Variants in JOSD1 observed in about 807,000 individuals in gnomAD.
JOSD1 encodes Josephin domain containing 1.
In JOSD1, 11 loss-of-function variants were observed where a neutral mutation model predicts 24.3. The observed-to-expected ratio is 0.45, with a 90% CI of 0.29 to 0.75. The LOEUF (loss-of-function observed/expected upper bound fraction) is 0.75, where lower values mean the gene tolerates loss of function less well. Among genes scored for constraint, JOSD1 ranks in the 30% least tolerant of loss-of-function variants. The pLI, the probability that JOSD1 is intolerant of heterozygous loss-of-function variation, is 0.11. For synonymous variants in JOSD1, 106 were observed against 93.8 expected (o/e 1.13, Z -0.75); for missense variants, 184 against 253.5 (o/e 0.73, Z 1.86).
chr22:38,701,248 G>A (rs942170734), upstream of JOSD1: 1 of 152,456 alleles, frequency 6.6e-6, no homozygotes, highest in African/African-American at 2.4e-5. Flanking sequence ...CGGCCTGAGG[G>A]AGTCCTACCT....
intron 2 of JOSD1, among the ~76,000 whole-genome samples, chr22:38,695,388 C>T (rs964152066): frequency 1.3e-5 from 2 of 151,650 alleles, no homozygotes; most frequent in Non-Finnish European, 1.5e-5. Context: ...AATCTCTTTG[C>T]TCCTTCCAAC....
In JOSD1 at chr22:38,686,885, C is replaced by T. The variant is rs1057414228; in HGVS notation, c.*1017G>A. ...TTTGGCTTCTCTTTTGTCCCAGAGC[C>T]TCCTAAATCAATGCTGCGAAATGGT... On this transcript the variant is annotated 3_prime_UTR_variant, in exon 5 of 5. Transcript: ENST00000683374. 2.0e-5 allele frequency: 3 copies of T among 152,180 alleles called. No individual in the cohort carries two copies. The highest frequency in any genetic ancestry group is 2.4e-5 in the African/African-American group (1 of 41,434). The allele number at this position is 152,180 out of a possible 1,614,324, so 9.4% of individuals were successfully genotyped here.
At position 38,686,296 on chromosome 22, in the gene JOSD1, G is replaced by A. The variant is rs1489238158; in HGVS notation, c.*1606C>T. 2 of 151,070 alleles carry A rather than the reference G, an allele frequency of 1.3e-5. No homozygotes were observed. The highest frequency in any genetic ancestry group is 3.9e-4 in the East Asian group (2 of 5,176). The allele number at this position is 151,070 out of a possible 1,614,324, so 9.4% of individuals were successfully genotyped here. A position where few individuals can be genotyped will look rare whatever the true frequency, so the allele number is the denominator to read the frequency against. ...GGTGTCAACATGCACTCCAGTCACA[G>A]GGGGGAGAAAGCCCAGCTTCACCCC... On this transcript the variant is annotated 3_prime_UTR_variant, in exon 5 of 5. Coordinates refer to ENST00000683374, the MANE Select transcript of JOSD1 (RefSeq NM_001360236.2).
chr22:38,690,129 T>C (rs2092515477), intron 2 of JOSD1, among the ~76,000 whole-genome samples: 1 of 152,110 alleles, frequency 6.6e-6, no homozygotes, highest in Admixed American at 6.6e-5. Flanking sequence ...TTTCTAATTC[T>C]ATTATTTTAC....
intron 2 of JOSD1, among the ~76,000 whole-genome samples, chr22:38,690,499 T>C (rs975366891): frequency 5.9e-5 from 9 of 151,934 alleles, no homozygotes; most frequent in African/African-American, 2.2e-4. Context: ...GTCTCCTGCG[T>C]TCAAGTGATT....
At chr22:38,701,343 A>C (rs1032189071), upstream of JOSD1, 6 of 152,088 alleles carry the variant, frequency 3.9e-5, no homozygotes, top group Non-Finnish European at 7.3e-5. Flanking sequence ...GGCTTTCAGC[A>C]CCCCTCCCTT....
intron 2 of JOSD1, among the ~76,000 whole-genome samples, chr22:38,698,789 C>A (rs1320768597): frequency 6.6e-6 from 1 of 152,086 alleles, no homozygotes; most frequent in Non-Finnish European, 1.5e-5. Flanking sequence ...TTTCCGAGAC[C>A]CGTCACCCAG....
At chr22:38,698,269 T>C (rs2092553535) in intron 2 of JOSD1, among the ~76,000 whole-genome samples, 1 of 152,260 alleles carries the variant, frequency 6.6e-6, no homozygotes, top group Admixed American at 6.5e-5. Flanking sequence ...TTCTACTTGC[T>C]GCCAGATAAT....
Position 38,687,584 on chromosome 22 carries a change from G to T in JOSD1, c.*318C>A. On this transcript the variant is annotated 3_prime_UTR_variant, in exon 5 of 5. Coordinates refer to ENST00000683374, the MANE Select transcript of JOSD1 (RefSeq NM_001360236.2). ...CAGCAGTGACAACTCAGCAGAACCT[G>T]TGTCAAGTCCTCATAGAAAAGGGAA... 3.2e-6 allele frequency: 1 copy of T among 314,838 alleles called. No homozygotes were observed. 19.5% of individuals were successfully genotyped at this position (314,838 alleles called of 1,614,324 possible). A position where few individuals can be genotyped will look rare whatever the true frequency, so the allele number is the denominator to read the frequency against.
At chr22:38,701,266 A>G (rs1309990896), upstream of JOSD1, 3 of 152,330 alleles carry the variant, frequency 2.0e-5, no homozygotes, top group Non-Finnish European at 4.4e-5. Flanking sequence ...CCTGGACGCC[A>G]GCCTGCCCTT....
chr22:38,686,867 TCTC>T lies in JOSD1; in HGVS notation c.*1032_*1034del, dbSNP rs1380362404. 6.6e-6 allele frequency: 1 copy of T among 152,180 alleles called. No individual in the cohort carries two copies. The highest frequency in any genetic ancestry group is 1.5e-5 in the Non-Finnish European group (1 of 68,040). 9.4% of individuals were successfully genotyped at this position (152,180 alleles called of 1,614,324 possible). On this transcript the variant is annotated 3_prime_UTR_variant, in exon 5 of 5. Transcript: ENST00000683374. ...GAACTGGGAAAACTGCTCTTTGGCT[TCTC>T]TTTTGTCCCAGAGCCTCCTAAATCA... is the stretch of plus-strand genomic sequence containing the variant.
At chr22:38,697,138 C>T (rs1384982329) in intron 2 of JOSD1, among the ~76,000 whole-genome samples, 1 of 152,220 alleles carries the variant, frequency 6.6e-6, no homozygotes, top group Non-Finnish European at 1.5e-5. Flanking sequence ...CTCTATGGTG[C>T]CTCATAGTGC....
chr22:38,690,426 G>A (rs906232672), intron 2 of JOSD1, among the ~76,000 whole-genome samples: 7 of 150,612 alleles, frequency 4.6e-5, no homozygotes, highest in East Asian at 2.0e-4. Context: ...TTTTTGAGTC[G>A]GAGTCTTGCT....
upstream of JOSD1, chr22:38,700,997 G>C (rs1007953734): frequency 7.1e-6 from 7 of 984,314 alleles, no homozygotes; most frequent in Non-Finnish European, 7.2e-6. Context: ...CCCGCCCGGC[G>C]CGTGCTCCGG....
intron 2 of JOSD1, 64 bp from the exon 3 acceptor site, chr22:38,689,488 A>G: frequency 1.3e-6 from 2 of 1,597,028 alleles, no homozygotes; most frequent in South Asian, 2.2e-5. Flanking sequence ...ACCCCGCACT[A>G]CCAGGGATGG....
chr22:38,699,775 C>G lies in JOSD1; in HGVS notation c.185+28G>C, dbSNP rs143276336. The G allele has an allele frequency of 2.5e-4, 402 of 1,606,286 alleles. 1 individual carries two copies. In the African/African-American group the frequency reaches 4.5e-3, roughly 18 times the overall value. On this transcript the variant is annotated intron_variant, in intron 2 of 4. Transcript: ENST00000683374. ...CACAGAAATCCAGAAATATCAGTATCAAGATGCCAAGGAGAAGGGTCCCCT... is the reference window on the plus strand; with the variant it reads ...CACAGAAATCCAGAAATATCAGTATGAAGATGCCAAGGAGAAGGGTCCCCT...
At chr22:38,691,258 G>A (rs553049881) in intron 2 of JOSD1, among the ~76,000 whole-genome samples, 2 of 151,654 alleles carry the variant, frequency 1.3e-5, no homozygotes, top group African/African-American at 2.4e-5. Flanking sequence ...CCAGCTACTC[G>A]GGAGGCTGAG....
chr22:38,693,124 G>A (rs150081453), intron 2 of JOSD1, among the ~76,000 whole-genome samples: 30 of 152,270 alleles, frequency 2.0e-4, no homozygotes, highest in African/African-American at 7.0e-4. Flanking sequence ...CAGAATTCTT[G>A]GAGTCCCTAA....
Position 38,687,826 on chromosome 22 carries a change from C to A in JOSD1, c.*76G>T. The A allele has an allele frequency of 1.0e-6, 1 of 972,348 alleles. No homozygotes were observed. Among genetic ancestry groups the A allele is most frequent in the Admixed American group, 1.8e-5 (1 of 54,804 alleles). The allele number at this position is 972,348 out of a possible 1,614,324, so 60.2% of individuals were successfully genotyped here. ...GAGATGTTTGGGGAAGTGGCAAGGGCAGACCCACTGTAGAGGCCACAGCAC... is the reference window on the plus strand; with the variant it reads ...GAGATGTTTGGGGAAGTGGCAAGGGAAGACCCACTGTAGAGGCCACAGCAC... On this transcript the variant is annotated 3_prime_UTR_variant, in exon 5 of 5. Coordinates refer to ENST00000683374, the MANE Select transcript of JOSD1 (RefSeq NM_001360236.2).
Sources: gnomAD v4.1 joint callset for allele counts (sites outside exome capture counted in the v4.1 genomes callset) on GRCh38, gnomAD v4.1.1 for gene constraint, MANE v1.5 for transcripts, NCBI Gene and HGNC (gene_info 2026-07-23, HGNC 2026-07-21) for gene names.